Variants in CSMD1 observed in about 807,000 individuals in gnomAD.
CSMD1 encodes the protein CUB and sushi domain-containing protein 1.
Under a neutral mutation model 417.5 loss-of-function variants are expected in CSMD1, and 213 were observed. The ratio of observed to expected loss-of-function variants is 0.51; its 90% CI spans 0.46 to 0.57. The LOEUF (loss-of-function observed/expected upper bound fraction) is 0.57. CSMD1 is among the 20% of genes least tolerant of loss of function. CSMD1 has a pLI of 0.00. For synonymous variants in CSMD1, 2,862 were observed against 1,736.8 expected (o/e 1.65, Z -16.11); for missense variants, 6,923 against 4,529.7 (o/e 1.53, Z -15.17).
chr8:3,951,280 T>C (rs940145), intron 5 of CSMD1, among the ~76,000 whole-genome samples: 33,097 of 152,120 alleles, frequency 0.22, 4,018 homozygotes, highest in Admixed American at 0.32. Context: ...TCCTCAGCCC[T>C]GGCCCACCTT....
chr8:4,977,197 T>A (rs1169665174), intron 1 of CSMD1, among the ~76,000 whole-genome samples: 1 of 152,228 alleles, frequency 6.6e-6, no homozygotes, highest in Non-Finnish European at 1.5e-5. Flanking sequence ...TTTATATTAA[T>A]TTATATTTAA....
intron 26 of CSMD1, among the ~76,000 whole-genome samples, chr8:3,246,547 C>T (rs1176579197): frequency 6.6e-6 from 1 of 152,184 alleles, no homozygotes; most frequent in Admixed American, 6.5e-5. Flanking sequence ...TCTGGGCTCA[C>T]TGCAACCGCC....
chr8:4,159,796 G>C (rs575140272), intron 3 of CSMD1, among the ~76,000 whole-genome samples: 12 of 152,228 alleles, frequency 7.9e-5, no homozygotes, highest in Admixed American at 3.9e-4. Context: ...CACCGTGTTA[G>C]CCAGGATAGG....
chr8:4,017,426 C>G (rs537771074), intron 4 of CSMD1, among the ~76,000 whole-genome samples: 2 of 152,108 alleles, frequency 1.3e-5, no homozygotes, highest in African/African-American at 2.4e-5. Flanking sequence ...CTGCCTCACT[C>G]TTCCTGAGTA....
In CSMD1 at chr8:3,639,750, A is replaced by C. The variant is rs183633883; in HGVS notation, c.1010-22953T>G. 4.9e-3 allele frequency among the ~76,000 whole-genome samples: 745 copies of C among 152,292 alleles called. 5 individuals carry two copies. Among genetic ancestry groups the C allele is most frequent in the African/African-American group, 0.017 (711 of 41,560 alleles). On this transcript the variant is annotated intron_variant, in intron 7 of 69. Transcript: ENST00000635120. The stretch of plus-strand genomic sequence containing the variant: ...GATTTTTCTTTTGCATTTATTCACT[A>C]ATATATACATCTTGTTATTCTTCAT...
At chr8:4,147,689 G>C (rs1415499976) in intron 3 of CSMD1, among the ~76,000 whole-genome samples, 1 of 152,068 alleles carries the variant, frequency 6.6e-6, no homozygotes, top group East Asian at 1.9e-4. Context: ...TGAAATATCT[G>C]ACATCACCAT....
At chr8:3,284,090 T>C in intron 26 of CSMD1, 54 bp downstream of exon 26, 2 of 1,342,394 alleles carry the variant, frequency 1.5e-6, no homozygotes, top group Non-Finnish European at 2.1e-6. Context: ...GAGATCTGTG[T>C]TCATGACAAG....
At chr8:4,685,949 C>G (rs1222551014) in intron 1 of CSMD1, among the ~76,000 whole-genome samples, 2 of 152,166 alleles carry the variant, frequency 1.3e-5, no homozygotes, top group African/African-American at 4.8e-5. Context: ...AAAGCACTGA[C>G]GTTGTTATAA....
At chr8:4,289,920 T>A (rs1214923750) in intron 3 of CSMD1, among the ~76,000 whole-genome samples, 2 of 152,164 alleles carry the variant, frequency 1.3e-5, no homozygotes, top group African/African-American at 4.8e-5. Flanking sequence ...TGAGTGCAAG[T>A]GAGTAATTAG....
intron 1 of CSMD1, among the ~76,000 whole-genome samples, chr8:4,717,172 G>C (rs1288930090): frequency 6.6e-6 from 1 of 151,578 alleles, no homozygotes; most frequent in East Asian, 2.0e-4. Context: ...AGATATTTGG[G>C]AGTCAGGAGA....
At position 4,390,497 on chromosome 8, in the gene CSMD1, T is replaced by TTTTTTTTATTTATTTATTTATTTA. The variant is rs58291340; in HGVS notation, c.415+29455_415+29456insTAAATAAATAAATAAATAAAAAAA. ...AACTGTTACCCACAGAAGCGTCCAT[T>TTTTTTTTATTTATTTATTTATTTA]TTTATTTATTTATTTATTTATTTAT... On this transcript the variant is annotated intron_variant, in intron 3 of 69. Transcript: ENST00000635120. Among the ~76,000 whole-genome samples, 609 of 140,354 alleles carry TTTTTTTTATTTATTTATTTATTTA rather than the reference T, an allele frequency of 4.3e-3. 7 individuals carry two copies. Among genetic ancestry groups the TTTTTTTTATTTATTTATTTATTTA allele is most frequent in the Admixed American group, 6.6e-3 (93 of 14,024 alleles). The allele number at this position is 140,354 out of a possible 152,430, so 92.1% of individuals were successfully genotyped here.
chr8:3,395,553 T>C (rs1463749413), intron 17 of CSMD1, among the ~76,000 whole-genome samples: 2 of 152,236 alleles, frequency 1.3e-5, no homozygotes, highest in Non-Finnish European at 2.9e-5. Flanking sequence ...AGGAAAACTT[T>C]CCATGTGGAA....
intron 47 of CSMD1, among the ~76,000 whole-genome samples, chr8:3,096,129 G>C (rs887378401): frequency 6.6e-6 from 1 of 152,224 alleles, no homozygotes; most frequent in East Asian, 1.9e-4. Context: ...GAGTTATTGA[G>C]ATCATCTTCT....
At chr8:3,313,642 A>C (rs1432898160) in intron 23 of CSMD1, among the ~76,000 whole-genome samples, 3 of 152,190 alleles carry the variant, frequency 2.0e-5, no homozygotes, top group Non-Finnish European at 4.4e-5. Flanking sequence ...GAGGATGTGG[A>C]GAAATAGGAA....
chr8:4,674,266 A>T (rs895484601), intron 1 of CSMD1, among the ~76,000 whole-genome samples: 4 of 152,166 alleles, frequency 2.6e-5, no homozygotes, highest in Non-Finnish European at 5.9e-5. Flanking sequence ...GCGGGAGGTT[A>T]TGTTGAGTCT....
At chr8:4,141,702 G>T (rs571323440) in intron 3 of CSMD1, among the ~76,000 whole-genome samples, 2 of 151,152 alleles carry the variant, frequency 1.3e-5, no homozygotes, top group South Asian at 4.2e-4. Context: ...TGGAGAGCAG[G>T]CAATTCTGAT....
chr8:3,700,397 C>A (rs1318239103), intron 7 of CSMD1: 1 of 152,098 alleles, frequency 6.6e-6, no homozygotes, highest in African/African-American at 2.4e-5. Context: ...CTCAAATAAA[C>A]ATACACGTAT....
chr8:4,577,326 G>A (rs184369059), intron 2 of CSMD1, among the ~76,000 whole-genome samples: 3 of 152,258 alleles, frequency 2.0e-5, no homozygotes, highest in Admixed American at 2.0e-4. Context: ...CAATAATGAT[G>A]CCCCAAAATA....
chr8:3,348,995 C>A (rs1006709650), intron 21 of CSMD1, among the ~76,000 whole-genome samples: 1 of 152,174 alleles, frequency 6.6e-6, no homozygotes, highest in South Asian at 2.1e-4. Context: ...CGGGTGCACA[C>A]ACACACAGAG....
Sources: allele counts gnomAD v4.1 joint callset (sites outside exome capture counted in the v4.1 genomes callset), GRCh38; gene constraint gnomAD v4.1.1; transcripts MANE v1.5; gene names NCBI Gene and HGNC (gene_info 2026-07-23, HGNC 2026-07-21).